MFHAS1: variants seen among roughly 807,000 people sequenced by gnomAD.
MFHAS1 encodes malignant fibrous histiocytoma-amplified sequence 1.
MFHAS1 carries 50 observed loss-of-function variants against 70.4 expected under a neutral mutation model. That is an observed-to-expected ratio of 0.71 (90% confidence interval 0.57 to 0.90). MFHAS1 has a LOEUF of 0.90. Ranked by LOEUF, MFHAS1 falls within the 40% of genes least tolerant of loss-of-function variation. The pLI is 0.00. For missense variants in MFHAS1, 1,795 were observed against 1,347.6 expected (o/e 1.33, Z -5.20); for synonymous variants, 952 against 620.0 (o/e 1.54, Z -7.96).
At chr8:8,837,051 G>A (rs1228726023) in intron 1 of MFHAS1, among the ~76,000 whole-genome samples, 1 of 152,140 alleles carries the variant, frequency 6.6e-6, no homozygotes, top group Admixed American at 6.5e-5. Flanking sequence ...TGCAATGGCG[G>A]AACTTGTGAC....
At chr8:8,835,967 A>G (rs978636792) in intron 1 of MFHAS1, among the ~76,000 whole-genome samples, 5 of 152,260 alleles carry the variant, frequency 3.3e-5, no homozygotes, top group Admixed American at 3.3e-4. Flanking sequence ...ACAGTGGCAC[A>G]GGTAGGTGGT....
chr8:8,806,993 G>A (rs1329490374), intron 1 of MFHAS1, among the ~76,000 whole-genome samples: 1 of 151,890 alleles, frequency 6.6e-6, no homozygotes, highest in African/African-American at 2.4e-5. Context: ...AAGGAACCAT[G>A]AGGCACCACT....
In MFHAS1 at chr8:8,890,481, G is replaced by A. The variant is rs550696528; in HGVS notation, c.2578C>T (p.His860Tyr). ...GTCCCATTAATCCAGGCTTCTGCAT[G>A]GGGCACCTCGTTCTGCACATAGCAT... The part of the protein sequence containing the change: ...FPCYVQNEVP[H>Y]AEAWINGTNL... The change falls in exon 1 of 3, where the codon CAT becomes TAT. Residue 860 changes from histidine to tyrosine, a missense_variant. Coordinates refer to ENST00000276282, the MANE Select transcript of MFHAS1 (RefSeq NM_004225.3). 6 of 1,613,756 alleles carry A rather than the reference G, an allele frequency of 3.7e-6. No homozygotes were observed. The African/African-American group carries it at 5.3e-5, about 14-fold the overall frequency.
At chr8:8,842,263 G>A (rs540019116) in intron 1 of MFHAS1, among the ~76,000 whole-genome samples, 1 of 151,966 alleles carries the variant, frequency 6.6e-6, no homozygotes, top group South Asian at 2.1e-4. Context: ...TCGGCTCACT[G>A]CAACCTCTGC....
chr8:8,791,866 C>T (rs1380222893), intron 2 of MFHAS1, among the ~76,000 whole-genome samples: 3 of 152,158 alleles, frequency 2.0e-5, no homozygotes, highest in Non-Finnish European at 4.4e-5. Flanking sequence ...AAATAGGGGG[C>T]TGGCAGTGGC....
intron 1 of MFHAS1, among the ~76,000 whole-genome samples, chr8:8,835,947 C>T (rs1807578874): frequency 6.6e-6 from 1 of 152,214 alleles, no homozygotes; most frequent in African/African-American, 2.4e-5. Context: ...TTCTGCTAAC[C>T]GATGCTACTA....
At chr8:8,832,079 C>CAA (rs1807416867) in intron 1 of MFHAS1, among the ~76,000 whole-genome samples, 2 of 151,844 alleles carry the variant, frequency 1.3e-5, no homozygotes, top group Non-Finnish European at 1.5e-5. Flanking sequence ...CACACACACA[C>CAA]ACACACACAC....
At chr8:8,829,436 G>T (rs889364664) in intron 1 of MFHAS1, among the ~76,000 whole-genome samples, 1 of 152,190 alleles carries the variant, frequency 6.6e-6, no homozygotes. Flanking sequence ...ATCAGAGCAC[G>T]TTGGGAGGCC....
chr8:8,783,726 C>G lies in MFHAS1; in HGVS notation c.*2296G>C, dbSNP rs1805439698. ...TTGCTTAGAAAACATTCCTCTTGTGCTTAGTGAATCACCTATCGCCTCGGT... is the reference window on the plus strand; with the variant it reads ...TTGCTTAGAAAACATTCCTCTTGTGGTTAGTGAATCACCTATCGCCTCGGT... On this transcript the variant is annotated 3_prime_UTR_variant, in exon 3 of 3. Transcript: ENST00000276282. 6.6e-6 allele frequency: 1 copy of G among 152,172 alleles called. No homozygotes were observed. Among genetic ancestry groups the G allele is most frequent in the Non-Finnish European group, 1.5e-5 (1 of 68,030 alleles). The allele number at this position is 152,172 out of a possible 1,614,324, so 9.4% of individuals were successfully genotyped here.
chr8:8,830,157 C>A (rs1163658386), intron 1 of MFHAS1, among the ~76,000 whole-genome samples: 8 of 152,150 alleles, frequency 5.3e-5, no homozygotes, highest in African/African-American at 1.9e-4. Flanking sequence ...GGTGGCCCCA[C>A]ACCTCTGGCG....
At chr8:8,824,899 G>A (rs996214358) in intron 1 of MFHAS1, among the ~76,000 whole-genome samples, 5 of 152,206 alleles carry the variant, frequency 3.3e-5, no homozygotes, top group African/African-American at 7.2e-5. Flanking sequence ...CTGGCCTCAC[G>A]GGAACAGATT....
At chr8:8,849,923 C>T (rs981115514) in intron 1 of MFHAS1, among the ~76,000 whole-genome samples, 11 of 152,190 alleles carry the variant, frequency 7.2e-5, no homozygotes, top group African/African-American at 2.4e-4. Context: ...CAGAAAGCAA[C>T]CAGGTCTCTG....
At chr8:8,826,247 A>AGTGTGTGTGTGT (rs112140342) in intron 1 of MFHAS1, among the ~76,000 whole-genome samples, 205 of 147,866 alleles carry the variant, frequency 1.4e-3, no homozygotes, top group African/African-American at 3.6e-3. Context: ...AAACACAAAG[A>AGTGTGTGTGTGT]GTGTGTGTGT....
chr8:8,834,132 C>A (rs4841052), intron 1 of MFHAS1, among the ~76,000 whole-genome samples: 4 of 145,600 alleles, frequency 2.7e-5, no homozygotes, highest in Non-Finnish European at 4.5e-5. Flanking sequence ...TCAAAAAAAA[C>A]AAAAAAAACA....
Position 8,892,217 on chromosome 8 carries a change from G to A in MFHAS1, c.842C>T (p.Ser281Phe), listed in dbSNP as rs1239788622. The A allele has an allele frequency of 6.2e-7, 1 of 1,610,806 alleles. No individual in the cohort carries two copies. Among genetic ancestry groups the A allele is most frequent in the Non-Finnish European group, 8.5e-7 (1 of 1,180,024 alleles). Residue 281 changes from serine (S) to phenylalanine (F), a missense_variant, in exon 1 of 3, where the codon TCC becomes TTC. Ser to Phe is a radical substitution (Grantham distance 155). Transcript: ENST00000276282. The surrounding 1 kb of genome is among the most constrained non-coding windows in gnomAD (Gnocchi z 4.7). ...CLQRLKMLNL[S>F]SNLFEEFPAA... is the part of the protein sequence containing the mutation. ...AGGGAACTCCTCGAAGAGGTTGGAG[G>A]AGAGGTTGAGCATTTTGAGCCGCTG...
At position 8,845,443 on chromosome 8, in the gene MFHAS1, C is replaced by A. The variant is rs187430339; in HGVS notation, c.2998+44618G>T. Among the ~76,000 whole-genome samples, 262 of 152,240 alleles carry A rather than the reference C, an allele frequency of 1.7e-3. 1 individual carries two copies. Among genetic ancestry groups the A allele is most frequent in the African/African-American group, 5.8e-3 (240 of 41,536 alleles). The stretch of plus-strand genomic sequence containing the variant: ...CAAGCCTGGGTGCACGCTTATCTAG[C>A]GGCAGACCCAGGAGCAGAAGATTAT... On this transcript the variant is annotated intron_variant, in intron 1 of 2. Coordinates refer to ENST00000276282, the MANE Select transcript of MFHAS1 (RefSeq NM_004225.3).
chr8:8,881,655 G>A (rs1450542565), intron 1 of MFHAS1, among the ~76,000 whole-genome samples: 2 of 152,140 alleles, frequency 1.3e-5, no homozygotes, highest in Non-Finnish European at 1.5e-5. Context: ...CCACCATGGT[G>A]AAACGCTGTC....
Position 8,893,060 on chromosome 8 carries a change from G to A in MFHAS1, c.-2C>T. 6.7e-7 allele frequency: 1 copy of A among 1,489,646 alleles called. No individual in the cohort carries two copies. The highest frequency in any genetic ancestry group is 8.9e-7 in the Non-Finnish European group (1 of 1,127,984). The allele number at this position is 1,489,646 out of a possible 1,614,324, so 92.3% of individuals were successfully genotyped here. A position where few individuals can be genotyped will look rare whatever the true frequency, so the allele number is the denominator to read the frequency against. On this transcript the variant is annotated 5_prime_UTR_variant, in exon 1 of 3. Coordinates refer to ENST00000276282, the MANE Select transcript of MFHAS1 (RefSeq NM_004225.3). ...GTTGCCACTGTCCATCCCAGCCATG[G>A]CGGGGCCCCGGGCCGACAGCCTCAC...
At chr8:8,790,419 G>A (rs1224266573) in intron 2 of MFHAS1, 2 of 979,136 alleles carry the variant, frequency 2.0e-6, no homozygotes, top group Non-Finnish European at 2.4e-6. Context: ...AATTTTCCAA[G>A]AAAGTATGAA....
Sources: allele counts gnomAD v4.1 joint callset (sites outside exome capture counted in the v4.1 genomes callset), GRCh38; gene constraint gnomAD v4.1.1; non-coding constraint Gnocchi (gnomAD v3.1); transcripts MANE v1.5; gene names NCBI Gene and HGNC (gene_info 2026-07-23, HGNC 2026-07-21).